TNN: variants seen among roughly 807,000 people sequenced by gnomAD.
TNN encodes the protein tenascin-N.
A neutral mutation model predicts 134.4 loss-of-function variants in TNN; 122 were observed. That is an observed-to-expected ratio of 0.91 (90% CI 0.78 to 1.06). The LOEUF (loss-of-function observed/expected upper bound fraction) is 1.06, where lower values mean the gene tolerates loss of function less well. Ranked by LOEUF, TNN falls within the 50% of genes least tolerant of loss-of-function variation. TNN has a pLI of 0.00. For missense variants in TNN, 1,739 were observed against 1,699.4 expected, an observed-to-expected ratio of 1.02 and a Z score of -0.41; for synonymous variants, 710 against 670.3, an observed-to-expected ratio of 1.06 and a Z score of -0.91.
At chr1:175,137,663 G>A (rs1471200784) in intron 17 of TNN, among the ~76,000 whole-genome samples, 2 of 152,168 alleles carry the variant, frequency 1.3e-5, no homozygotes, top group Non-Finnish European at 2.9e-5. Flanking sequence ...AATACATTAT[G>A]TAAGAGGGGG....
intron 2 of TNN, 59 bp downstream of exon 2, chr1:175,077,886 AG>A: frequency 6.6e-7 from 1 of 1,525,096 alleles, no homozygotes; most frequent in Non-Finnish European, 8.9e-7. Context: ...ATTATGTGCC[AG>A]GGTTTCCACT....
intron 6 of TNN, among the ~76,000 whole-genome samples, chr1:175,090,906 T>C (rs1398052652): frequency 1.3e-5 from 2 of 152,156 alleles, no homozygotes; most frequent in African/African-American, 2.4e-5. Context: ...TGTCCAGCAG[T>C]TGGGAAGTTC....
Position 175,077,318 on chromosome 1 carries a change from T to A in TNN, c.-35-66T>A, listed in dbSNP as rs867298600. ...GCTTCCTTGGGCTCTTAGAATCTGG[T>A]AAAAAAAAAGCCAGCTTCCCTCAGC... On this transcript the variant is annotated intron_variant, in intron 1 of 18. Coordinates refer to ENST00000239462, the MANE Select transcript of TNN (RefSeq NM_022093.2). The A allele has an allele frequency of 3.2e-6, 4 of 1,237,616 alleles. No individual in the cohort carries two copies. In the African/African-American group the frequency reaches 4.6e-5, roughly 14 times the overall value. 76.7% of individuals were successfully genotyped at this position (1,237,616 alleles called of 1,614,324 possible). A position where few individuals can be genotyped will look rare whatever the true frequency, so the allele number is the denominator to read the frequency against.
intron 9 of TNN, among the ~76,000 whole-genome samples, chr1:175,113,352 C>T (rs1675086119): frequency 6.6e-6 from 1 of 152,060 alleles, no homozygotes; most frequent in African/African-American, 2.4e-5. Flanking sequence ...AGCTTTTTTT[C>T]CACCCCTTTC....
In TNN at chr1:175,077,601, C is replaced by T. The variant is rs200629974; in HGVS notation, c.183C>T (p.Asp61=). The T allele has an allele frequency of 6.2e-7, 1 of 1,614,210 alleles. No individual in the cohort carries two copies. Among genetic ancestry groups the T allele is most frequent in the Non-Finnish European group, 8.5e-7 (1 of 1,180,024 alleles). Residue 61 remains aspartate, a synonymous_variant, in exon 2 of 19, where the codon GAC becomes GAT. Coordinates refer to ENST00000239462, the MANE Select transcript of TNN (RefSeq NM_022093.2). ...PKSALVQVDA[D]PQPLSDDGAS... is the part of the protein sequence containing the mutation. Reference sequence around the variant, plus strand: ...CTGCCTTGGTTCAGGTTGACGCTGACCCTCAGCCCCTCAGTGACGATGGGG... The same window carrying T: ...CTGCCTTGGTTCAGGTTGACGCTGATCCTCAGCCCCTCAGTGACGATGGGG...
chr1:175,124,446 C>T (rs893419288), intron 12 of TNN, among the ~76,000 whole-genome samples: 7 of 152,076 alleles, frequency 4.6e-5, no homozygotes, highest in South Asian at 2.1e-4. Context: ...TTTGGGAGGT[C>T]AAGGCTGGTG....
chr1:175,093,016 A>G (rs1192354128), intron 6 of TNN, among the ~76,000 whole-genome samples: 2 of 152,240 alleles, frequency 1.3e-5, no homozygotes, highest in Non-Finnish European at 1.5e-5. Context: ...CTCAGAAGCC[A>G]GAGGGATCCT....
At chr1:175,121,322 C>T (rs117217479) in intron 11 of TNN, among the ~76,000 whole-genome samples, 2 of 152,176 alleles carry the variant, frequency 1.3e-5, no homozygotes, top group East Asian at 1.9e-4. Flanking sequence ...GTGTGATGTC[C>T]CCCAGCTGGA....
Position 175,136,998 on chromosome 1 carries a change from A to T in TNN, c.3595+10A>T. ...TACAGAGGCACGGCAGGTGAGAAAA[A>T]ATGTTTTCTTACTGCGAAGGTCTCT... On this transcript the variant is annotated intron_variant, in intron 17 of 18. Coordinates refer to ENST00000239462, the MANE Select transcript of TNN (RefSeq NM_022093.2). The T allele has an allele frequency of 2.5e-6, 4 of 1,613,656 alleles. No homozygotes were observed. Among genetic ancestry groups the T allele is most frequent in the Non-Finnish European group, 3.4e-6 (4 of 1,179,688 alleles).
chr1:175,103,381 G>A (rs1674778210), intron 9 of TNN, among the ~76,000 whole-genome samples: 1 of 146,100 alleles, frequency 6.8e-6, no homozygotes, highest in East Asian at 2.3e-4. Flanking sequence ...GGAGGTCTAG[G>A]CCTCTGCAGT....
At chr1:175,072,417 T>G (rs1222649386) in intron 1 of TNN, among the ~76,000 whole-genome samples, 1 of 152,162 alleles carries the variant, frequency 6.6e-6, no homozygotes, top group Non-Finnish European at 1.5e-5. Flanking sequence ...TACCCAACTT[T>G]CCATGGGAAA....
rs1027183141 is a variant in TNN at position 175,109,852 on chromosome 1, T to G, written c.2120-7087T>G. The stretch of plus-strand genomic sequence containing the variant: ...TATCTCTTTGATATACTGATTTCCT[T>G]TTTTTTGGATGTATACTCAGCAGTG... On this transcript the variant is annotated intron_variant, in intron 9 of 18. Coordinates refer to ENST00000239462, the MANE Select transcript of TNN (RefSeq NM_022093.2). Among the ~76,000 whole-genome samples the G allele has an allele frequency of 5.9e-4, 89 of 151,904 alleles. 1 individual carries two copies. The highest frequency in any genetic ancestry group is 1.9e-4 in the East Asian group (1 of 5,188).
intron 1 of TNN, among the ~76,000 whole-genome samples, chr1:175,074,477 C>G: frequency 8.7e-6 from 1 of 114,874 alleles, no homozygotes; most frequent in Non-Finnish European, 1.7e-5. Flanking sequence ...AGAATGGGAT[C>G]CTGTCTGAAA....
intron 14 of TNN, 45 bp from the exon 15 acceptor site, chr1:175,128,550 C>T: frequency 6.5e-7 from 1 of 1,543,396 alleles, no homozygotes; most frequent in African/African-American, 1.4e-5. Flanking sequence ...CACCTCTTTC[C>T]TCCTTGCCCT....
At chr1:175,123,814 T>A in intron 12 of TNN, 151 bp downstream of exon 12, 3 of 1,188,728 alleles carry the variant, frequency 2.5e-6, no homozygotes, top group Non-Finnish European at 3.5e-6. Context: ...TTGAGCTAAT[T>A]AAGTTGACAC....
chr1:175,079,460 G>A lies in TNN; in HGVS notation c.537G>A (p.Gly179=). ...LACPGACSGH[G]RCVDGRCLCH... ...GCCCCGGGGCGTGCAGCGGCCACGGGCGTTGCGTGGACGGGCGCTGCCTGT... is the reference window on the plus strand; with the variant it reads ...GCCCCGGGGCGTGCAGCGGCCACGGACGTTGCGTGGACGGGCGCTGCCTGT... The change falls in exon 3 of 19, where the codon GGG becomes GGA. Residue 179 remains glycine (G), a synonymous_variant. Coordinates refer to ENST00000239462, the MANE Select transcript of TNN (RefSeq NM_022093.2). 1 of 1,568,258 alleles carries A rather than the reference G, an allele frequency of 6.4e-7. No homozygotes were observed. Among genetic ancestry groups the A allele is most frequent in the East Asian group, 2.4e-5 (1 of 41,994 alleles).
At position 175,106,154 on chromosome 1, in the gene TNN, G is replaced by A. The variant is rs1273458039; in HGVS notation, c.2119+7559G>A. Among the ~76,000 whole-genome samples the A allele has an allele frequency of 9.6e-5, 14 of 145,368 alleles. 3 individuals are homozygous for A. The highest frequency in any genetic ancestry group is 6.9e-4 in the Admixed American group (10 of 14,484). On this transcript the variant is annotated intron_variant, in intron 9 of 18. Coordinates refer to ENST00000239462, the MANE Select transcript of TNN (RefSeq NM_022093.2). Reference sequence around the variant, plus strand: ...ATCAGATTTAGTGGCCCTTACTGACGCATTCTCAAAAACCTGTTAGAGTCC... The same window carrying A: ...ATCAGATTTAGTGGCCCTTACTGACACATTCTCAAAAACCTGTTAGAGTCC...
At chr1:175,068,634 T>C (rs7535254) in intron 1 of TNN, among the ~76,000 whole-genome samples, 85,261 of 152,114 alleles carry the variant, frequency 0.56, 25,403 homozygotes, top group African/African-American at 0.79. Flanking sequence ...TGGCCGGGCA[T>C]GGTGGCTCAT....
intron 5 of TNN, 26 bp downstream of exon 5, chr1:175,083,961 A>T: frequency 6.2e-7 from 1 of 1,610,448 alleles, no homozygotes; most frequent in Non-Finnish European, 8.5e-7. Context: ...GGAATGTGAG[A>T]TGTATGCTGT....
Sources: gnomAD v4.1 joint callset for allele counts (sites outside exome capture counted in the v4.1 genomes callset) on GRCh38, gnomAD v4.1.1 for gene constraint, MANE v1.5 for transcripts, NCBI Gene and HGNC (gene_info 2026-07-23, HGNC 2026-07-21) for gene names.